MLLT3: variants seen among roughly 807,000 people sequenced by gnomAD.
MLLT3 encodes protein AF-9.
Under a neutral mutation model 53.2 loss-of-function variants are expected in MLLT3, and 4 were observed. The observed-to-expected ratio is 0.08, with a 90% CI of 0.04 to 0.17. The LOEUF is 0.17. MLLT3 is among the 10% of genes least tolerant of loss of function. The pLI is 1.00. For missense variants in MLLT3, 569 were observed against 684.0 expected (o/e 0.83, Z 1.87); for synonymous variants, 283 against 230.6 (o/e 1.23, Z -2.06).
At chr9:20,364,469 G>A (rs1821400415) in intron 6 of MLLT3, among the ~76,000 whole-genome samples, 1 of 152,100 alleles carries the variant, frequency 6.6e-6, no homozygotes, top group Non-Finnish European at 1.5e-5. Context: ...AGGTTATAAA[G>A]ACAATGAAGA....
intron 5 of MLLT3, among the ~76,000 whole-genome samples, chr9:20,409,573 G>T (rs1306678555): frequency 6.6e-6 from 1 of 152,176 alleles, no homozygotes; most frequent in East Asian, 1.9e-4. Flanking sequence ...ACCCCAAAGA[G>T]ATGAACTCCT....
At chr9:20,517,136 T>A (rs879435074) in intron 2 of MLLT3, among the ~76,000 whole-genome samples, 5 of 152,240 alleles carry the variant, frequency 3.3e-5, no homozygotes, top group Admixed American at 1.3e-4. Context: ...CCTAGTATTA[T>A]ATAATATTTA....
chr9:20,494,973 G>A (rs1301327126), intron 2 of MLLT3, among the ~76,000 whole-genome samples: 1 of 152,004 alleles, frequency 6.6e-6, no homozygotes, highest in Admixed American at 6.6e-5. Context: ...TGGATGAGAG[G>A]TTGGCTTTTA....
intron 2 of MLLT3, among the ~76,000 whole-genome samples, chr9:20,583,486 C>T (rs1001559185): frequency 3.3e-5 from 5 of 152,190 alleles, no homozygotes; most frequent in African/African-American, 1.2e-4. Flanking sequence ...TTCTCTTCCA[C>T]ACTGCCCTTA....
At chr9:20,607,377 T>C (rs1633699) in intron 2 of MLLT3, among the ~76,000 whole-genome samples, 147,349 of 152,236 alleles carry the variant, frequency 0.97, 71,345 homozygotes, top group East Asian at 1. Flanking sequence ...CATTCTTGTA[T>C]ACACCTTAAT....
chr9:20,401,449 T>G (rs1822454809), intron 5 of MLLT3, among the ~76,000 whole-genome samples: 1 of 152,170 alleles, frequency 6.6e-6, no homozygotes, highest in African/African-American at 2.4e-5. Flanking sequence ...ACATTGTTTT[T>G]TTCATTAAAT....
intron 2 of MLLT3, among the ~76,000 whole-genome samples, chr9:20,568,414 T>C (rs536569086): frequency 1.3e-5 from 2 of 152,322 alleles, no homozygotes; most frequent in South Asian, 4.1e-4. Flanking sequence ...GGAGGGATTA[T>C]GGATAATTTT....
chr9:20,441,126 T>G, intron 4 of MLLT3, among the ~76,000 whole-genome samples: 1 of 152,176 alleles, frequency 6.6e-6, no homozygotes. Flanking sequence ...TAATGGCGTT[T>G]GAGCTTTCAG....
At chr9:20,565,332 G>C (rs1228264190) in intron 2 of MLLT3, among the ~76,000 whole-genome samples, 1 of 152,044 alleles carries the variant, frequency 6.6e-6, no homozygotes, top group African/African-American at 2.4e-5. Context: ...TGGGAGGGAT[G>C]AGGAAAACAC....
intron 2 of MLLT3, among the ~76,000 whole-genome samples, chr9:20,549,871 G>A (rs767868264): frequency 6.6e-6 from 1 of 152,170 alleles, no homozygotes; most frequent in Non-Finnish European, 1.5e-5. Context: ...TAGCACATGC[G>A]TGCAGAAAAT....
chr9:20,472,280 G>T (rs1320659747), intron 2 of MLLT3, among the ~76,000 whole-genome samples: 5 of 151,848 alleles, frequency 3.3e-5, no homozygotes, highest in Non-Finnish European at 4.4e-5. Flanking sequence ...GTATTTCCTG[G>T]GATAGGTTTA....
At chr9:20,462,853 A>G (rs1390822070) in intron 2 of MLLT3, among the ~76,000 whole-genome samples, 1 of 152,140 alleles carries the variant, frequency 6.6e-6, no homozygotes, top group Non-Finnish European at 1.5e-5. Flanking sequence ...AAGAAGGGAT[A>G]GAGTAAGACT....
intron 2 of MLLT3, among the ~76,000 whole-genome samples, chr9:20,555,435 C>A (rs1412502226): frequency 6.6e-6 from 1 of 152,108 alleles, no homozygotes; most frequent in Non-Finnish European, 1.5e-5. Context: ...GCGTGAGCCA[C>A]CAGACCCAGG....
intron 5 of MLLT3, among the ~76,000 whole-genome samples, chr9:20,397,819 T>C (rs1770761495): frequency 6.6e-6 from 1 of 151,984 alleles, no homozygotes; most frequent in Non-Finnish European, 1.5e-5. Context: ...ATAATTTTTG[T>C]CTCATAGATG....
chr9:20,530,134 G>C (rs1313595775), intron 2 of MLLT3, among the ~76,000 whole-genome samples: 3 of 152,154 alleles, frequency 2.0e-5, no homozygotes, highest in Non-Finnish European at 2.9e-5. Flanking sequence ...ATTTTGCTTA[G>C]AAACGCCATG....
chr9:20,482,773 G>A (rs1824696783), intron 2 of MLLT3, among the ~76,000 whole-genome samples: 1 of 152,140 alleles, frequency 6.6e-6, no homozygotes, highest in South Asian at 2.1e-4. Context: ...GAGTTCAAAT[G>A]AGTGTATATT....
At chr9:20,550,844 A>G (rs1818908154) in intron 2 of MLLT3, among the ~76,000 whole-genome samples, 2 of 152,060 alleles carry the variant, frequency 1.3e-5, no homozygotes, top group African/African-American at 4.8e-5. Flanking sequence ...TATAACTACA[A>G]CCTCCTGGGC....
intron 2 of MLLT3, among the ~76,000 whole-genome samples, chr9:20,457,280 C>T (rs1823995246): frequency 8.3e-6 from 1 of 120,980 alleles, no homozygotes. Flanking sequence ...CGGAGTTTCA[C>T]TCTTGTTGCC....
chr9:20,562,346 C>G (rs576306976), intron 2 of MLLT3, among the ~76,000 whole-genome samples: 29 of 152,088 alleles, frequency 1.9e-4, no homozygotes, highest in South Asian at 4.1e-4. Context: ...CTACCACCAC[C>G]ATCATTCATG....
Sources: allele counts gnomAD v4.1 joint callset (sites outside exome capture counted in the v4.1 genomes callset), GRCh38; gene constraint gnomAD v4.1.1; transcripts MANE v1.5; gene names NCBI Gene and HGNC (gene_info 2026-07-23, HGNC 2026-07-21).